CXXC1: variants seen among roughly 807,000 people sequenced by gnomAD.
CXXC1 encodes CXXC-type zinc finger protein 1.
In CXXC1, 21 loss-of-function variants were observed where a neutral mutation model predicts 83.6. The ratio of observed to expected loss-of-function variants is 0.25; its 90% CI spans 0.18 to 0.36. The LOEUF (loss-of-function observed/expected upper bound fraction) is 0.36. CXXC1 is among the 10% of genes least tolerant of loss of function. The pLI is 1.00. For synonymous variants in CXXC1, 371 were observed against 337.5 expected (o/e 1.10, Z -1.09); for missense variants, 688 against 919.5 (o/e 0.75, Z 3.26).
rs1038955456 is a variant in CXXC1, at chr18:50,285,225, T to C, written c.689A>G (p.Glu230Gly). Residue 230 changes from glutamate (E) to glycine (G), a missense_variant, in exon 7 of 15, where the codon GAG becomes GGG. Physicochemically the swap from Glu to Gly is moderately conservative, Grantham distance 98 (BLOSUM62 -2). Around this residue, in one of 9 missense-constraint regions of CXXC1, gnomAD observed 190 missense variants for 199.7 expected, o/e 0.95. Coordinates refer to ENST00000285106, the MANE Select transcript of CXXC1 (RefSeq NM_014593.4). This position sits in a 1 kb window ranked among gnomAD's most constrained non-coding sequence, Gnocchi z 4.4. The part of the protein sequence containing the change: ...PSSLSPVTPS[E>G]SLPRPRRPLP... Reference sequence around the variant, plus strand: ...TGGCCGGCGGGGCCTTGGCAGGGACTCTGAGGGCGTCACTGGTGAGAGCTG... The same window carrying C: ...TGGCCGGCGGGGCCTTGGCAGGGACCCTGAGGGCGTCACTGGTGAGAGCTG... The C allele has an allele frequency of 6.2e-7, 1 of 1,614,004 alleles. No homozygotes were observed. Among genetic ancestry groups the C allele is most frequent in the African/African-American group, 1.3e-5 (1 of 74,944 alleles).
chr18:50,286,659 C>CGATGGAGATGT lies in CXXC1; in HGVS notation c.123-31_123-21dup, dbSNP rs2040719765. 1 of 1,612,878 alleles carries CGATGGAGATGT rather than the reference C, an allele frequency of 6.2e-7. No homozygotes were observed. The highest frequency in any genetic ancestry group is 1.3e-5 in the African/African-American group (1 of 74,928). On this transcript the variant is annotated intron_variant, in intron 2 of 14. Coordinates refer to ENST00000285106, the MANE Select transcript of CXXC1 (RefSeq NM_014593.4). ...CACCCGCTGCAGAGGATGGGGCAGG[C>CGATGGAGATGT]GATGGAGATGTGAGGGGCGCGGCCC...
chr18:50,282,860 C>A lies in CXXC1; in HGVS notation c.1818G>T (p.Val606=). ...AAACCGCACAGAAACCTACCACACG[C>A]ACGCGCTCCAAGTCCACTTCCGCAC... The part of the protein sequence containing the change: ...LRRAEVDLER[V]RVWYKLDELF... Residue 606 remains valine, a synonymous_variant, in exon 14 of 15, where the codon GTG becomes GTT. Transcript: ENST00000285106. The surrounding 1 kb of genome is among the most constrained non-coding windows in gnomAD (Gnocchi z 5.8). The A allele has an allele frequency of 6.2e-7, 1 of 1,614,172 alleles. No individual in the cohort carries two copies.
chr18:50,285,536 C>T lies in CXXC1; in HGVS notation c.640-185G>A. The T allele has an allele frequency of 2.1e-6, 2 of 949,948 alleles. No individual in the cohort carries two copies. The highest frequency in any genetic ancestry group is 1.6e-6 in the Non-Finnish European group (1 of 644,078). The allele number at this position is 949,948 out of a possible 1,614,324, so 58.8% of individuals were successfully genotyped here. A position where few individuals can be genotyped will look rare whatever the true frequency, so the allele number is the denominator to read the frequency against. ...CATGACCACCTGAAAACACCTGGCCCCACTCTGTCTACCCAGGGTTGGTGG... is the reference window on the plus strand; with the variant it reads ...CATGACCACCTGAAAACACCTGGCCTCACTCTGTCTACCCAGGGTTGGTGG... On this transcript the variant is annotated intron_variant, in intron 5 of 14. Coordinates refer to ENST00000285106, the MANE Select transcript of CXXC1 (RefSeq NM_014593.4). The surrounding 1 kb of genome is among the most constrained non-coding windows in gnomAD (Gnocchi z 4.4).
Position 50,287,595 on chromosome 18 carries a change from C to T in CXXC1, c.-6G>A. On this transcript the variant is annotated 5_prime_UTR_variant, in exon 1 of 15. Coordinates refer to ENST00000285106, the MANE Select transcript of CXXC1 (RefSeq NM_014593.4). ...CTGGACCCGCTACTTACCATATCTC[C>T]GCTCCCGGCGCACTCCCTCACGACC... 6.2e-7 allele frequency: 1 copy of T among 1,611,604 alleles called. No individual in the cohort carries two copies. Among genetic ancestry groups the T allele is most frequent in the Non-Finnish European group, 8.5e-7 (1 of 1,179,852 alleles).
In CXXC1 at chr18:50,285,067, C is replaced by T. The variant is rs764725044; in HGVS notation, c.847G>A (p.Asp283Asn). 6.2e-7 allele frequency: 1 copy of T among 1,614,250 alleles called. No individual in the cohort carries two copies. Among genetic ancestry groups the T allele is most frequent in the South Asian group, 1.1e-5 (1 of 91,084 alleles). ...TATPEPLSDE[D>N]LPLDPDLYQD... is the part of the protein sequence containing the mutation. ...TACAGGTCAGGATCCAGAGGTAGGTCCTCATCTGAGAGTGGCTCAGGTGTG... is the reference window on the plus strand; with the variant it reads ...TACAGGTCAGGATCCAGAGGTAGGTTCTCATCTGAGAGTGGCTCAGGTGTG... The change falls in exon 7 of 15, where the codon GAC becomes AAC. Residue 283 changes from aspartate (D) to asparagine (N), a missense_variant. This residue lies in a region of CXXC1 where 190 missense variants were observed against 199.7 expected (regional missense o/e 0.95). Transcript: ENST00000285106. The surrounding 1 kb of genome is among the most constrained non-coding windows in gnomAD (Gnocchi z 4.4).
Position 50,286,865 on chromosome 18 carries a change from G to A in CXXC1, c.4-7C>T. On this transcript the variant is annotated splice_polypyrimidine_tract_variant and splice_region_variant and intron_variant, in intron 1 of 14. Coordinates refer to ENST00000285106, the MANE Select transcript of CXXC1 (RefSeq NM_014593.4). ...GGTCTGAACCATCTCCCTCCTGCAG[G>A]ACACCCCCATTACGGATCCTTAAGC... The A allele has an allele frequency of 6.3e-7, 1 of 1,594,480 alleles. No homozygotes were observed. The highest frequency in any genetic ancestry group is 8.6e-7 in the Non-Finnish European group (1 of 1,162,624).
chr18:50,286,678 G>C, intron 2 of CXXC1, 39 bp from the exon 3 acceptor site: 1 of 1,608,046 alleles, frequency 6.2e-7, no homozygotes, highest in Non-Finnish European at 8.5e-7. Flanking sequence ...TGTGAGGGGC[G>C]CGGCCCATCG....
At position 50,283,537 on chromosome 18, in the gene CXXC1, T is replaced by C. The variant is rs1352807554; in HGVS notation, c.1552A>G (p.Met518Val). Residue 518 changes from methionine to valine, a missense_variant, in exon 12 of 15, where the codon ATG (methionine) becomes GTG (valine). Met to Val is a conservative substitution (Grantham distance 21). Transcript: ENST00000285106. ...TACCCTTCAATGCGTGTGGGGTACA[T>C]GGACCCAAAGGACGTCTGGCTCTCA... Reference protein sequence around the residue: ...KYESQTSFGSMYPTRIEGATR... With the variant: ...KYESQTSFGSVYPTRIEGATR... 6.2e-7 allele frequency: 1 copy of C among 1,613,782 alleles called. No homozygotes were observed. The highest frequency in any genetic ancestry group is 2.2e-5 in the East Asian group (1 of 44,814).
rs2040670036 is a variant in CXXC1, at chr18:50,283,928, C to T, written c.1379G>A (p.Arg460His). 1.9e-6 allele frequency: 3 copies of T among 1,614,106 alleles called. No individual in the cohort carries two copies. The highest frequency in any genetic ancestry group is 1.1e-5 in the South Asian group (1 of 91,086). ...RFHELEAIIL[R>H]AKQQAVREDE... ...CTCGCGCACAGCCTGCTGCTTGGCA[C>T]GTAGAATGATGGCCTCAAGCTCATG... is the stretch of plus-strand genomic sequence containing the variant. Residue 460 changes from arginine (R) to histidine (H), a missense_variant, in exon 10 of 15, where the codon CGT (arginine) becomes CAT (histidine). This residue lies in a region of CXXC1 where 100 missense variants were observed against 142.5 expected (regional missense o/e 0.70). Transcript: ENST00000285106.
Position 50,283,004 on chromosome 18 carries a change from C to A in CXXC1, c.1674G>T (p.Val558=). 6.2e-7 allele frequency: 1 copy of A among 1,613,886 alleles called. No individual in the cohort carries two copies. Among genetic ancestry groups the A allele is most frequent in the Non-Finnish European group, 8.5e-7 (1 of 1,180,002 alleles). Reference sequence around the variant, plus strand: ...GGCACCCGCATACCTCGTCAGCTGGCACCTGCAAGGAGGCCAGGTTGGGGG... The same window carrying A: ...GGCACCCGCATACCTCGTCAGCTGGAACCTGCAAGGAGGCCAGGTTGGGGG... ...LCPEHSRDPK[V]PADEVCGCPL... The change falls in exon 14 of 15, where the codon GTG becomes GTT. Residue 558 remains valine, a splice_region_variant and synonymous_variant. Transcript: ENST00000285106.
chr18:50,286,546 C>T lies in CXXC1; in HGVS notation c.216G>A (p.Glu72=). 1 of 1,614,006 alleles carries T rather than the reference C, an allele frequency of 6.2e-7. No homozygotes were observed. The highest frequency in any genetic ancestry group is 8.5e-7 in the Non-Finnish European group (1 of 1,179,876). Residue 72 remains glutamate, a synonymous_variant, in exon 3 of 15, where the codon GAG becomes GAA. Coordinates refer to ENST00000285106, the MANE Select transcript of CXXC1 (RefSeq NM_014593.4). ...AKAIREWYCR[E]CREKDPKLEI... The stretch of plus-strand genomic sequence containing the variant: ...TCCATCCATGGCCCTCACCTCTGCA[C>T]TCCCGACAGTACCACTCCCGGATGG...
In CXXC1 at chr18:50,285,174, G is replaced by A. The variant is rs1401513166; in HGVS notation, c.740C>T (p.Pro247Leu). 1.2e-6 allele frequency: 2 copies of A among 1,614,116 alleles called. No individual in the cohort carries two copies. Among genetic ancestry groups the A allele is most frequent in the African/African-American group, 2.7e-5 (2 of 74,940 alleles). The stretch of plus-strand genomic sequence containing the variant: ...ACGGATGCGCCCTAACTTCTGTGAT[G>A]GCTGTGGCTGCTGTTGGGTGGGCAG... ...RPLPTQQQPQ[P>L]SQKLGRIRED... The change falls in exon 7 of 15, where the codon CCA (proline) becomes CTA (leucine). Residue 247 changes from proline to leucine, a missense_variant. Pro to Leu is a moderately conservative substitution (Grantham distance 98). Around this residue, in one of 9 missense-constraint regions of CXXC1, gnomAD observed 190 missense variants for 199.7 expected, o/e 0.95. Coordinates refer to ENST00000285106, the MANE Select transcript of CXXC1 (RefSeq NM_014593.4). The surrounding 1 kb of genome is among the most constrained non-coding windows in gnomAD (Gnocchi z 4.4).
In CXXC1 at chr18:50,287,664, C is replaced by A. The variant is rs1291315223; in HGVS notation, c.-75G>T. ...ACCTGCACAGACCACTCGGCGGCGT[C>A]CCAGGCGGTTGCAAAGGCGCCCACA... On this transcript the variant is annotated 5_prime_UTR_variant, in exon 1 of 15. Transcript: ENST00000285106. 4 of 1,591,956 alleles carry A rather than the reference C, an allele frequency of 2.5e-6. No individual in the cohort carries two copies. The highest frequency in any genetic ancestry group is 3.4e-6 in the Non-Finnish European group (4 of 1,171,928).
intron 11 of CXXC1, 24 bp downstream of exon 11, chr18:50,283,681 G>GC (rs746849184): frequency 3.7e-6 from 6 of 1,611,058 alleles, no homozygotes; most frequent in Non-Finnish European, 5.1e-6. Context: ...CACATGGTCC[G>GC]CCCCCTCAGT....
rs2040679141 is a variant in CXXC1 at position 50,284,393 on chromosome 18, A to C, written c.1190T>G (p.Met397Arg). The C allele has an allele frequency of 6.5e-7, 1 of 1,545,642 alleles. No individual in the cohort carries two copies. Among genetic ancestry groups the C allele is most frequent in the South Asian group, 1.2e-5 (1 of 81,166 alleles). ...AATGACTCACTTGGCTGCCAGCTTC[A>C]TGCCACAGTCATCTGAGCAATACTT... ...SSKYCSDDCGMKLAANRIYEI... is the reference protein window; with the variant it reads ...SSKYCSDDCGRKLAANRIYEI... The change falls in exon 9 of 15, where the codon ATG becomes AGG. Residue 397 changes from methionine (M) to arginine (R), a missense_variant. Around this residue, in one of 9 missense-constraint regions of CXXC1, gnomAD observed 100 missense variants for 142.5 expected, o/e 0.70. Coordinates refer to ENST00000285106, the MANE Select transcript of CXXC1 (RefSeq NM_014593.4).
At chr18:50,287,516 G>A in intron 1 of CXXC1, 71 bp downstream of exon 1, 10 of 1,582,966 alleles carry the variant, frequency 6.3e-6, no homozygotes, top group South Asian at 1.1e-5. Context: ...CCCCTGAGTC[G>A]GCCGACAGAC....
chr18:50,286,759 C>T lies in CXXC1; in HGVS notation c.103G>A (p.Asp35Asn), dbSNP rs2040721308. The stretch of plus-strand genomic sequence containing the variant: ...GCTCACATCATGAAGCAGTTGATGT[C>T]CGGTTTGCGGCAGATGCAGTAGATG... ...APIYCICRKP[D>N]INCFMIGCDN... The change falls in exon 2 of 15, where the codon GAC becomes AAC. Residue 35 changes from aspartate (D) to asparagine (N), a missense_variant. This residue lies in a region of CXXC1 where 51 missense variants were observed against 48.0 expected (regional missense o/e 1.06). Coordinates refer to ENST00000285106, the MANE Select transcript of CXXC1 (RefSeq NM_014593.4). 6.2e-7 allele frequency: 1 copy of T among 1,613,896 alleles called. No individual in the cohort carries two copies. The highest frequency in any genetic ancestry group is 8.5e-7 in the Non-Finnish European group (1 of 1,179,876).
At position 50,283,026 on chromosome 18, in the gene CXXC1, G is replaced by C; in HGVS notation, c.1672-20C>G. On this transcript the variant is annotated intron_variant, in intron 13 of 14. Transcript: ENST00000285106. ...TGGCACCTGCAAGGAGGCCAGGTTG[G>C]GGGGATGAATAGCGGTGATAAGGGA... 2 of 1,613,108 alleles carry C rather than the reference G, an allele frequency of 1.2e-6. No individual in the cohort carries two copies. Among genetic ancestry groups the C allele is most frequent in the South Asian group, 1.1e-5 (1 of 91,068 alleles).
In CXXC1 at chr18:50,285,940, G is replaced by A. The variant is rs879066074; in HGVS notation, c.460-12C>T. 3 of 1,613,772 alleles carry A rather than the reference G, an allele frequency of 1.9e-6. No individual in the cohort carries two copies. Among genetic ancestry groups the A allele is most frequent in the Admixed American group, 1.7e-5 (1 of 59,998 alleles). Reference sequence around the variant, plus strand: ...TGCTGCTGGTGATGCTGCAGGAGGGGGCCCAGAACAGAAATCATGGACCCA... The same window carrying A: ...TGCTGCTGGTGATGCTGCAGGAGGGAGCCCAGAACAGAAATCATGGACCCA... On this transcript the variant is annotated splice_polypyrimidine_tract_variant and intron_variant, in intron 4 of 14. Coordinates refer to ENST00000285106, the MANE Select transcript of CXXC1 (RefSeq NM_014593.4). The surrounding 1 kb of genome is among the most constrained non-coding windows in gnomAD (Gnocchi z 4.4).
Sources: gnomAD v4.1 joint callset for allele counts on GRCh38, gnomAD v4.1.1 for gene constraint, gnomAD v4.1.1 regional missense constraint, Gnocchi (gnomAD v3.1) non-coding constraint, MANE v1.5 for transcripts, NCBI Gene and HGNC (gene_info 2026-07-23, HGNC 2026-07-21) for gene names.